ZRANB1: variants seen among roughly 807,000 people sequenced by gnomAD.
The protein encoded by ZRANB1 is zinc finger RANBP2-type containing 1, also known as ubiquitin thioesterase ZRANB1.
In ZRANB1, 16 loss-of-function variants were observed where a neutral mutation model predicts 80.5. The ratio of observed to expected loss-of-function variants is 0.20; its 90% CI spans 0.13 to 0.30. The LOEUF is 0.30. Ranked by LOEUF, ZRANB1 falls within the 10% of genes least tolerant of loss-of-function variation. ZRANB1 has a pLI of 1.00. For missense variants in ZRANB1, 576 were observed against 862.6 expected (o/e 0.67, Z 4.16); for synonymous variants, 291 against 293.1 (o/e 0.99, Z 0.07).
chr10:124,949,929 C>T (rs143217384), intron 1 of ZRANB1, among the ~76,000 whole-genome samples: 15 of 152,272 alleles, frequency 9.9e-5, no homozygotes, highest in Non-Finnish European at 2.1e-4. Flanking sequence ...AGTGCACATG[C>T]AGTGGTGTTC....
At chr10:124,960,438 G>A (rs17152408) in intron 1 of ZRANB1, among the ~76,000 whole-genome samples, 25,212 of 151,950 alleles carry the variant, frequency 0.17, 2,194 homozygotes, top group African/African-American at 0.22. Context: ...CCCCTGCTTC[G>A]TTTTTTAAAC....
chr10:124,922,326 G>GTAAAATATATA, the ZRANB1 span, among the ~76,000 whole-genome samples: 7 of 25,632 alleles, frequency 2.7e-4, no homozygotes, highest in African/African-American at 5.0e-4. Context: ...TAAAATATAT[G>GTAAAATATATA]TATATATATA....
chr10:124,952,604 C>G (rs530116152), intron 1 of ZRANB1, among the ~76,000 whole-genome samples: 2 of 151,444 alleles, frequency 1.3e-5, no homozygotes, highest in South Asian at 4.2e-4. Context: ...TTTTTAAAAA[C>G]AAATAATATC....
chr10:124,943,392 C>T (rs910941725), intron 1 of ZRANB1, 85 bp downstream of exon 1: 10 of 1,334,690 alleles, frequency 7.5e-6, no homozygotes, highest in Non-Finnish European at 9.2e-6. Flanking sequence ...CGCTGACACA[C>T]GTTTGTGGTC....
chr10:124,926,572 A>G, the ZRANB1 span, among the ~76,000 whole-genome samples: 2 of 152,196 alleles, frequency 1.3e-5, no homozygotes, highest in African/African-American at 4.8e-5. Context: ...TGTGATAACA[A>G]TGCCTTCTAG....
chr10:124,941,583 C>T (rs1384090537), upstream of ZRANB1, among the ~76,000 whole-genome samples: 1 of 152,076 alleles, frequency 6.6e-6, no homozygotes, highest in Non-Finnish European at 1.5e-5. Context: ...AACTCCTGAC[C>T]TTGTGATCTA....
At chr10:124,973,895 TAAAGATACA>T (rs1453588894) in intron 4 of ZRANB1, among the ~76,000 whole-genome samples, 179 bp downstream of exon 4, 1 of 152,214 alleles carries the variant, frequency 6.6e-6, no homozygotes, top group Non-Finnish European at 1.5e-5. Context: ...AGTGAACAAA[TAAAGATACA>T]AAAATTTTAA....
the ZRANB1 span, among the ~76,000 whole-genome samples, chr10:124,927,344 G>T: frequency 3.3e-5 from 5 of 152,218 alleles, no homozygotes; most frequent in Non-Finnish European, 5.9e-5. Context: ...CAGAAGGAAA[G>T]GATCTCTCTT....
At chr10:124,930,202 G>A in the ZRANB1 span, among the ~76,000 whole-genome samples, 1 of 152,158 alleles carries the variant, frequency 6.6e-6, no homozygotes, top group African/African-American at 2.4e-5. Flanking sequence ...TATTTCAGAT[G>A]TAAGAGAGGG....
the ZRANB1 span, among the ~76,000 whole-genome samples, chr10:124,935,240 AC>A: frequency 6.6e-6 from 1 of 152,206 alleles, no homozygotes; most frequent in African/African-American, 2.4e-5. Flanking sequence ...TATGGACCTA[AC>A]TGGTGTGTTA....
intron 1 of ZRANB1, among the ~76,000 whole-genome samples, chr10:124,949,293 TC>T (rs1951610856): frequency 6.6e-6 from 1 of 152,074 alleles, no homozygotes; most frequent in Non-Finnish European, 1.5e-5. Flanking sequence ...TTATCTTACT[TC>T]CTAAACAATA....
chr10:124,973,680 T>G lies in ZRANB1; in HGVS notation c.1192T>G (p.Leu398Val). 6.2e-7 allele frequency: 1 copy of G among 1,612,928 alleles called. No homozygotes were observed. ...EDLPPTVQEK[L>V]FDEVLDRDVQ... ...TTTGCCCCCAACAGTCCAAGAAAAA[T>G]TATTTGATGAGGTGCTTGATAGAGA... Residue 398 changes from leucine to valine, a missense_variant, in exon 4 of 9, where the codon TTA becomes GTA. Physicochemically the swap from Leu to Val is conservative, Grantham distance 32. Transcript: ENST00000359653.
chr10:124,977,711 G>GA (rs752296814), intron 5 of ZRANB1, among the ~76,000 whole-genome samples: 3,442 of 48,674 alleles, frequency 0.071, 115 homozygotes, highest in African/African-American at 0.1. Flanking sequence ...ACCCTGCTAA[G>GA]AAAAAAAAAA....
At chr10:124,961,104 C>T (rs570993178) in intron 1 of ZRANB1, among the ~76,000 whole-genome samples, 2 of 151,984 alleles carry the variant, frequency 1.3e-5, no homozygotes, top group Admixed American at 6.5e-5. Flanking sequence ...TGGGTTCAAG[C>T]GATTCTCCTG....
chr10:124,921,464 G>A, the ZRANB1 span, among the ~76,000 whole-genome samples: 1 of 152,176 alleles, frequency 6.6e-6, no homozygotes, highest in African/African-American at 2.4e-5. Context: ...GAATGCTGAT[G>A]CATTTGGAAA....
intron 1 of ZRANB1, among the ~76,000 whole-genome samples, chr10:124,963,095 G>A (rs1399340483): frequency 6.6e-6 from 1 of 151,900 alleles, no homozygotes; most frequent in African/African-American, 2.4e-5. Context: ...GTGAAACCCC[G>A]TCTCTACTAA....
chr10:124,931,330 TG>T, the ZRANB1 span, among the ~76,000 whole-genome samples: 56 of 152,052 alleles, frequency 3.7e-4, no homozygotes. Flanking sequence ...ATTACAGCAG[TG>T]GTTCCTACTG....
Position 124,943,166 on chromosome 10 carries a change from G to A in ZRANB1, c.673G>A (p.Glu225Lys). The A allele has an allele frequency of 6.2e-7, 1 of 1,614,254 alleles. No homozygotes were observed. Among genetic ancestry groups the A allele is most frequent in the Non-Finnish European group, 8.5e-7 (1 of 1,180,042 alleles). Reference protein sequence around the residue: ...RSPPATKRDSEVKMDFQRIEL... With the variant: ...RSPPATKRDSKVKMDFQRIEL... ...ACCTCCTGCTACGAAGCGGGACTCT[G>A]AAGTGAAAATGGATTTTCAGAGGAT... The change falls in exon 1 of 9, where the codon GAA becomes AAA. Residue 225 changes from glutamate to lysine, a missense_variant. Physicochemically the swap from Glu to Lys is moderately conservative, Grantham distance 56. Coordinates refer to ENST00000359653, the MANE Select transcript of ZRANB1 (RefSeq NM_017580.3).
Position 124,985,041 on chromosome 10 carries a change from C to T in ZRANB1, c.*49C>T, listed in dbSNP as rs777307312. 4.9e-6 allele frequency: 7 copies of T among 1,430,688 alleles called. No individual in the cohort carries two copies. Among genetic ancestry groups the T allele is most frequent in the South Asian group, 1.2e-5 (1 of 82,122 alleles). 88.6% of individuals were successfully genotyped at this position (1,430,688 alleles called of 1,614,324 possible). A position where few individuals can be genotyped will look rare whatever the true frequency, so the allele number is the denominator to read the frequency against. On this transcript the variant is annotated 3_prime_UTR_variant, in exon 9 of 9. Transcript: ENST00000359653. Reference sequence around the variant, plus strand: ...ACCAAGGCATCAGATCTGTAATGACCCTAAAGTTAGTGTGGTGCTCCAAGC... The same window carrying T: ...ACCAAGGCATCAGATCTGTAATGACTCTAAAGTTAGTGTGGTGCTCCAAGC...
Sources: allele counts gnomAD v4.1 joint callset (sites outside exome capture counted in the v4.1 genomes callset), GRCh38; gene constraint gnomAD v4.1.1; transcripts MANE v1.5; gene names NCBI Gene and HGNC (gene_info 2026-07-23, HGNC 2026-07-21).